The following MTRR variants were observed in gnomAD, a reference collection of about 807,000 sequenced individuals.
MTRR encodes the protein 5-methyltetrahydrofolate-homocysteine methyltransferase reductase.
MTRR carries 63 observed loss-of-function variants against 79.2 expected under a neutral mutation model. The observed-to-expected ratio is 0.80, with a 90% CI of 0.65 to 0.98. The LOEUF (loss-of-function observed/expected upper bound fraction) is 0.98, where lower values mean the gene tolerates loss of function less well. MTRR is among the 50% of genes least tolerant of loss of function. The pLI is 0.00. For synonymous variants in MTRR, 355 were observed against 313.3 expected (o/e 1.13, Z -1.41); for missense variants, 895 against 839.6 (o/e 1.07, Z -0.82).
chr5:7,878,247 C>G lies in MTRR; in HGVS notation c.705C>G (p.Leu235=), dbSNP rs1734921953. 2 of 1,614,096 alleles carry G rather than the reference C, an allele frequency of 1.2e-6. No homozygotes were observed. ...ESSLTRSVPP[L]SQASLNIPGL... ...CACTTACCCGTTCGGTACCCCCACT[C>G]TCACAAGCCTCTCTGAATATTCCTG... Residue 235 remains leucine, a synonymous_variant, in exon 5 of 15, where the codon CTC becomes CTG. Coordinates refer to ENST00000440940, the MANE Select transcript of MTRR (RefSeq NM_002454.3).
chr5:7,873,417 T>C lies in MTRR; in HGVS notation c.174T>C (p.Ser58=), dbSNP rs1748337160. 6.2e-7 allele frequency: 1 copy of C among 1,614,210 alleles called. No homozygotes were observed. Among genetic ancestry groups the C allele is most frequent in the Non-Finnish European group, 8.5e-7 (1 of 1,180,036 alleles). The stretch of plus-strand genomic sequence containing the variant: ...CAGCTCCTCTTGTTGTTGTGGTTTC[T>C]ACCACGGGCACCGGAGACCCACCCG... The part of the protein sequence containing the change: ...TETAPLVVVV[S]TTGTGDPPDT... The change falls in exon 3 of 15, where the codon TCT becomes TCC. Residue 58 remains serine, a synonymous_variant. Transcript: ENST00000440940.
At chr5:7,863,157 C>T (rs540976693) in intron 2 of MTRR, 9 of 653,758 alleles carry the variant, frequency 1.4e-5, no homozygotes, top group African/African-American at 1.3e-4. Context: ...AATGATAATG[C>T]AAACTTCTCT....
At chr5:7,892,675 A>G (rs1737801138) in intron 10 of MTRR, 52 bp from the exon 11 acceptor site, 1 of 1,547,888 alleles carries the variant, frequency 6.5e-7, no homozygotes, top group South Asian at 1.1e-5. Flanking sequence ...TTTGACCCAT[A>G]TGTGTAGTAG....
At chr5:7,871,122 G>C (rs1249705752) in intron 2 of MTRR, among the ~76,000 whole-genome samples, 199 bp downstream of exon 2, 1 of 146,378 alleles carries the variant, frequency 6.8e-6, no homozygotes, top group African/African-American at 2.6e-5. Context: ...AGACTAAATG[G>C]TCTCAAAAAT....
At chr5:7,851,890 A>C (rs969195042) in intron 1 of MTRR, among the ~76,000 whole-genome samples, 1 of 152,228 alleles carries the variant, frequency 6.6e-6, no homozygotes, top group Non-Finnish European at 1.5e-5. Context: ...AACAAACAAA[A>C]AAAGCCATGA....
At chr5:7,859,398 G>C in intron 1 of MTRR, 4 of 1,332,872 alleles carry the variant, frequency 3.0e-6, no homozygotes, top group Non-Finnish European at 3.2e-6. Flanking sequence ...CCATAAAAAT[G>C]CAAGTTCTTC....
chr5:7,899,254 C>T (rs945052782), intron 14 of MTRR, among the ~76,000 whole-genome samples: 9 of 152,122 alleles, frequency 5.9e-5, no homozygotes, highest in Non-Finnish European at 2.9e-5. Flanking sequence ...GGCACACATC[C>T]AAACTGGATC....
intron 4 of MTRR, among the ~76,000 whole-genome samples, chr5:7,877,490 T>TA (rs1734768136): frequency 8.4e-6 from 1 of 119,150 alleles, no homozygotes; most frequent in Admixed American, 9.9e-5. Flanking sequence ...AGTAGATCAG[T>TA]AAATTGGCTA....
At chr5:7,889,787 C>G (rs545225866) in intron 9 of MTRR, among the ~76,000 whole-genome samples, 77 of 152,184 alleles carry the variant, frequency 5.1e-4, no homozygotes, top group Admixed American at 1.2e-3. Flanking sequence ...GAGGGTCCTT[C>G]AAGAGCAAAA....
At chr5:7,873,764 C>T (rs1377060095) in intron 3 of MTRR, among the ~76,000 whole-genome samples, 1 of 152,188 alleles carries the variant, frequency 6.6e-6, no homozygotes, top group Non-Finnish European at 1.5e-5. Context: ...AAGGATGCAC[C>T]TCAGATGCAG....
chr5:7,890,173 G>A (rs1470004736), intron 9 of MTRR: 2 of 787,154 alleles, frequency 2.5e-6, no homozygotes, highest in South Asian at 5.8e-5. Flanking sequence ...TTTTACTCTT[G>A]GGCCAGCAAG....
At chr5:7,864,269 C>T (rs565219316), upstream of MTRR, among the ~76,000 whole-genome samples, 4 of 152,108 alleles carry the variant, frequency 2.6e-5, no homozygotes, top group South Asian at 8.3e-4. Context: ...ACAACATGAA[C>T]ATAATAAGTA....
At chr5:7,879,015 A>T (rs1395854058) in intron 5 of MTRR, among the ~76,000 whole-genome samples, 1 of 152,190 alleles carries the variant, frequency 6.6e-6, no homozygotes, top group East Asian at 1.9e-4. Context: ...AATAATTTGG[A>T]TGCAGCATCT....
At chr5:7,855,583 T>C (rs1441008151) in intron 1 of MTRR, among the ~76,000 whole-genome samples, 1 of 152,104 alleles carries the variant, frequency 6.6e-6, no homozygotes, top group Non-Finnish European at 1.5e-5. Flanking sequence ...TCATAGCTCC[T>C]GGCCTCAAGT....
intron 1 of MTRR, among the ~76,000 whole-genome samples, chr5:7,857,480 C>T (rs1437840720): frequency 3.3e-5 from 5 of 152,206 alleles, no homozygotes; most frequent in African/African-American, 1.2e-4. Flanking sequence ...TCTAGCCTCC[C>T]TCCCTGGGCC....
chr5:7,892,989 A>G (rs541530377), intron 11 of MTRR, 76 bp downstream of exon 11: 15 of 1,472,792 alleles, frequency 1.0e-5, no homozygotes, highest in East Asian at 2.4e-5. Flanking sequence ...GTGTTGTCTC[A>G]CCCACATCAT....
intron 8 of MTRR, among the ~76,000 whole-genome samples, chr5:7,887,822 ATATATATAT>A (rs1449174999): frequency 3.8e-5 from 1 of 26,644 alleles, no homozygotes; most frequent in African/African-American, 2.6e-4. Flanking sequence ...ATATATATAT[ATATATATAT>A]GGGTTTTTTC....
chr5:7,899,949 C>G lies in MTRR; in HGVS notation c.1988C>G (p.Ala663Gly), dbSNP rs1220697965. The change falls in exon 15 of 15, where the codon GCC (alanine) becomes GGC (glycine). Residue 663 changes from alanine to glycine, a missense_variant. Transcript: ENST00000440940. ...AKNMAKDVHD[A>G]LVQIISKEVG... ...AATATGGCCAAGGATGTACATGATGCCCTTGTGCAAATAATAAGCAAAGAG... is the reference window on the plus strand; with the variant it reads ...AATATGGCCAAGGATGTACATGATGGCCTTGTGCAAATAATAAGCAAAGAG... 11 of 1,613,976 alleles carry G rather than the reference C, an allele frequency of 6.8e-6. No individual in the cohort carries two copies. Among genetic ancestry groups the G allele is most frequent in the Non-Finnish European group, 9.3e-6 (11 of 1,180,026 alleles).
intron 6 of MTRR, 70 bp from the exon 7 acceptor site, chr5:7,885,630 TG>T (rs1049697880): frequency 4.2e-6 from 6 of 1,419,496 alleles, no homozygotes; most frequent in African/African-American, 1.4e-5. Flanking sequence ...ACTATATTTT[TG>T]TTACCCTACA....
Sources: allele counts gnomAD v4.1 joint callset (sites outside exome capture counted in the v4.1 genomes callset), GRCh38; gene constraint gnomAD v4.1.1; transcripts MANE v1.5; gene names NCBI Gene and HGNC (gene_info 2026-07-23, HGNC 2026-07-21).